Variants in VPS13B observed in about 807,000 individuals in gnomAD.
VPS13B encodes intermembrane lipid transfer protein VPS13B.
Under a neutral mutation model 426.4 loss-of-function variants are expected in VPS13B, and 285 were observed. That is an observed-to-expected ratio of 0.67 (90% CI 0.61 to 0.74). VPS13B has a LOEUF of 0.74. VPS13B is among the 30% of genes least tolerant of loss of function. The probability of loss-of-function intolerance (pLI) is 0.00; values close to 1 mark genes in which losing one functional copy is unlikely to be tolerated. For missense variants in VPS13B, 4,537 were observed against 4,782.6 expected (o/e 0.95, Z 1.51); for synonymous variants, 1,676 against 1,676.4 (o/e 1.00, Z 0.01).
At chr8:99,728,734 A>C (rs887234291) in intron 39 of VPS13B, among the ~76,000 whole-genome samples, 1 of 152,196 alleles carries the variant, frequency 6.6e-6, no homozygotes, top group Non-Finnish European at 1.5e-5. Context: ...TGTCGACTAC[A>C]GTTCTTTAGG....
chr8:99,874,898 A>ATGT (rs1468612507), intron 61 of VPS13B: 1 of 154,574 alleles, frequency 6.5e-6, no homozygotes, highest in Admixed American at 6.3e-5. Flanking sequence ...AAAGCAGAAA[A>ATGT]TGTTACAGTT....
In VPS13B at chr8:99,820,083, G is replaced by A. The variant is rs764033533; in HGVS notation, c.8955G>A (p.Gln2985=). 1.2e-6 allele frequency: 2 copies of A among 1,613,896 alleles called. No homozygotes were observed. Among genetic ancestry groups the A allele is most frequent in the Admixed American group, 3.3e-5 (2 of 60,008 alleles). ...TTGAAGGAGAGAAAATTGTTCTACA[G>A]GTTCCTGCTGGCAAAATTATTATTC... ...WLFEGEKIVL[Q]VPAGKIIIPP... is the part of the protein sequence containing the mutation. The change falls in exon 49 of 62, where the codon CAG becomes CAA. Residue 2985 remains glutamine (Q), a synonymous_variant. Coordinates refer to ENST00000357162, the MANE Select transcript of VPS13B (RefSeq NM_152564.5).
At chr8:99,361,303 T>G (rs556114805) in intron 19 of VPS13B, among the ~76,000 whole-genome samples, 7 of 152,188 alleles carry the variant, frequency 4.6e-5, no homozygotes, top group Admixed American at 3.9e-4. Flanking sequence ...AACCATACCT[T>G]GTCAAATCAG....
chr8:99,098,871 G>A (rs1846578538), intron 4 of VPS13B, among the ~76,000 whole-genome samples: 2 of 151,864 alleles, frequency 1.3e-5, no homozygotes, highest in South Asian at 2.1e-4. Context: ...TTTTTTGTTA[G>A]GAAAGCTAAT....
At chr8:99,220,922 A>G (rs1451865857) in intron 17 of VPS13B, among the ~76,000 whole-genome samples, 8 of 99,610 alleles carry the variant, frequency 8.0e-5, no homozygotes, top group East Asian at 3.0e-4. Flanking sequence ...ATATCTCCCA[A>G]TGCTATCCCT....
At chr8:99,431,740 A>T (rs1817124137) in intron 22 of VPS13B, 76 bp downstream of exon 22, 1 of 1,479,150 alleles carries the variant, frequency 6.8e-7, no homozygotes. Flanking sequence ...TAATATTGGT[A>T]AGACTTTTCT....
rs534821547 is a variant in VPS13B at position 99,299,078 on chromosome 8, T to G, written c.2824+23824T>G. 6.3e-3 allele frequency among the ~76,000 whole-genome samples: 578 copies of G among 92,266 alleles called. 2 individuals are homozygous for G. Among genetic ancestry groups the G allele is most frequent in the Middle Eastern group, 0.014 (2 of 148 alleles). The allele number at this position is 92,266 out of a possible 152,430, so 60.5% of individuals were successfully genotyped here. A position where few individuals can be genotyped will look rare whatever the true frequency, so the allele number is the denominator to read the frequency against. ...TTTTTTTTTTTTTTTTTTTTTTTTT[T>G]GAGACAGAGTTTCACTCTTGTTGCC... On this transcript the variant is annotated intron_variant, in intron 19 of 61. Transcript: ENST00000357162.
intron 35 of VPS13B, among the ~76,000 whole-genome samples, chr8:99,674,118 A>C (rs553916429): frequency 6.6e-6 from 1 of 152,184 alleles, no homozygotes; most frequent in South Asian, 2.1e-4. Flanking sequence ...TCTAGATTGC[A>C]GTTTAAGTCT....
chr8:99,397,801 A>G (rs1194552421), intron 21 of VPS13B, among the ~76,000 whole-genome samples: 1 of 152,210 alleles, frequency 6.6e-6, no homozygotes, highest in East Asian at 1.9e-4. Flanking sequence ...TTTCTGCCTC[A>G]TTAAGCACTA....
intron 17 of VPS13B, among the ~76,000 whole-genome samples, chr8:99,259,418 T>G (rs6990741): frequency 5.1e-4 from 77 of 152,046 alleles, no homozygotes; most frequent in Non-Finnish European, 4.9e-4. Flanking sequence ...CTAATGTTCT[T>G]TGGCAACCCC....
chr8:99,125,697 A>C (rs1233737450), intron 8 of VPS13B, among the ~76,000 whole-genome samples: 1 of 152,196 alleles, frequency 6.6e-6, no homozygotes, highest in Non-Finnish European at 1.5e-5. Flanking sequence ...GCTCTGCAAA[A>C]ATATAGTGGG....
At chr8:99,074,229 C>T (rs1660363494) in intron 3 of VPS13B, among the ~76,000 whole-genome samples, 1 of 152,058 alleles carries the variant, frequency 6.6e-6, no homozygotes. Context: ...AGGTGTGTTC[C>T]TTCTATCCCT....
intron 31 of VPS13B, among the ~76,000 whole-genome samples, chr8:99,559,682 G>A (rs1486254086): frequency 6.6e-6 from 1 of 152,098 alleles, no homozygotes; most frequent in Non-Finnish European, 1.5e-5. Context: ...CCCATTGCTT[G>A]TTTTTGTCAG....
At chr8:99,086,959 G>A (rs1845846840) in intron 3 of VPS13B, among the ~76,000 whole-genome samples, 1 of 152,166 alleles carries the variant, frequency 6.6e-6, no homozygotes, top group African/African-American at 2.4e-5. Context: ...CTGTGTGCTG[G>A]GAGAACCACT....
chr8:99,041,796 T>C (rs1321182949), intron 3 of VPS13B, among the ~76,000 whole-genome samples: 1 of 149,348 alleles, frequency 6.7e-6, no homozygotes, highest in African/African-American at 2.5e-5. Context: ...GAGTTTGCAG[T>C]GATCCGAGAT....
At chr8:99,680,132 C>T (rs533292706) in intron 35 of VPS13B, among the ~76,000 whole-genome samples, 1 of 152,202 alleles carries the variant, frequency 6.6e-6, no homozygotes, top group Non-Finnish European at 1.5e-5. Flanking sequence ...AGTTTTCTTT[C>T]ATAAATGTTA....
chr8:99,572,710 T>C (rs1283519250), intron 31 of VPS13B, among the ~76,000 whole-genome samples: 7 of 152,318 alleles, frequency 4.6e-5, no homozygotes, highest in South Asian at 2.1e-4. Context: ...CATTGATGGA[T>C]ATTTGGGTTG....
intron 23 of VPS13B, among the ~76,000 whole-genome samples, chr8:99,461,630 C>A (rs1036000058): frequency 6.6e-6 from 1 of 152,108 alleles, no homozygotes; most frequent in Non-Finnish European, 1.5e-5. Flanking sequence ...TCAGTGAAAG[C>A]ATTGACAATT....
rs1036243735 is a variant in VPS13B at position 99,491,937 on chromosome 8, G to T, written c.3871-9750G>T. ...AGGACCTGCAATTCTTGGAGGAGAA[G>T]AGGCGCTCTGGTTTTTGGAATTTTC... is the stretch of plus-strand genomic sequence containing the variant. On this transcript the variant is annotated intron_variant, in intron 25 of 61. Transcript: ENST00000357162. Among the ~76,000 whole-genome samples the T allele has an allele frequency of 8.5e-5, 13 of 152,304 alleles. No individual in the cohort carries two copies. The East Asian group carries it at 2.1e-3, about 25-fold the overall frequency.
Sources: allele counts gnomAD v4.1 joint callset (sites outside exome capture counted in the v4.1 genomes callset), GRCh38; gene constraint gnomAD v4.1.1; transcripts MANE v1.5; gene names NCBI Gene and HGNC (gene_info 2026-07-23, HGNC 2026-07-21).